The following MPP7 variants were observed in gnomAD, a reference collection of about 807,000 sequenced individuals.
MPP7 encodes MAGUK p55 scaffold protein 7, also known as MAGUK p55 subfamily member 7.
Under a neutral mutation model 76.5 loss-of-function variants are expected in MPP7, and 60 were observed. The observed-to-expected ratio is 0.78, with a 90% CI of 0.64 to 0.97. The LOEUF is 0.97. MPP7 is among the 50% of genes least tolerant of loss of function. The pLI is 0.00. For missense variants in MPP7, 641 were observed against 694.0 expected, an observed-to-expected ratio of 0.92 and a Z score of 0.86; for synonymous variants, 237 against 244.5, an observed-to-expected ratio of 0.97 and a Z score of 0.29.
intron 1 of MPP7, among the ~76,000 whole-genome samples, chr10:28,256,589 G>C (rs1385360150): frequency 6.6e-6 from 1 of 150,484 alleles, no homozygotes; most frequent in Non-Finnish European, 1.5e-5. Context: ...AAGTGGCACA[G>C]GGAGGAGGAT....
chr10:28,256,862 C>T (rs1839802946), intron 1 of MPP7, among the ~76,000 whole-genome samples: 1 of 152,108 alleles, frequency 6.6e-6, no homozygotes, highest in Admixed American at 6.6e-5. Context: ...CCTTAAGAAC[C>T]AAGACAAATA....
intron 1 of MPP7, among the ~76,000 whole-genome samples, chr10:28,247,722 A>G (rs544940447): frequency 6.6e-6 from 1 of 152,340 alleles, no homozygotes; most frequent in South Asian, 2.1e-4. Flanking sequence ...TCCTAATGTT[A>G]TATTGTAGAG....
intron 3 of MPP7, among the ~76,000 whole-genome samples, chr10:28,190,293 A>C (rs1181158867): frequency 6.6e-6 from 1 of 152,216 alleles, no homozygotes; most frequent in Non-Finnish European, 1.5e-5. Flanking sequence ...ATCTGTAAGG[A>C]TATAGTTGAA....
chr10:28,211,444 CATATATAT>C (rs59909463), intron 2 of MPP7, among the ~76,000 whole-genome samples: 23 of 149,770 alleles, frequency 1.5e-4, no homozygotes, highest in Admixed American at 8.0e-4. Flanking sequence ...TATTTTTTGC[CATATATAT>C]ATATATATAT....
chr10:28,321,800 G>A (rs1423686922), intron 2 of MPP7, among the ~76,000 whole-genome samples: 2 of 152,034 alleles, frequency 1.3e-5, no homozygotes, highest in Non-Finnish European at 2.9e-5. Flanking sequence ...TGGCCAGGCT[G>A]GTCTCGAACT....
intron 4 of MPP7, among the ~76,000 whole-genome samples, chr10:28,149,093 T>G (rs2133770238): frequency 6.6e-6 from 1 of 152,294 alleles, no homozygotes. Flanking sequence ...ACATATGTGT[T>G]TTTTCTAAAT....
intron 1 of MPP7, among the ~76,000 whole-genome samples, chr10:28,272,758 GA>G (rs1840365739): frequency 1.4e-4 from 21 of 152,066 alleles, no homozygotes; most frequent in Admixed American, 1.4e-3. Flanking sequence ...AACAGGAGGG[GA>G]AAAGTATATG....
intron 5 of MPP7, among the ~76,000 whole-genome samples, chr10:28,143,464 GGACA>G (rs71391011): frequency 0.15 from 22,314 of 151,968 alleles, 1,897 homozygotes; most frequent in East Asian, 0.36. Context: ...ATCTTATTAA[GGACA>G]GATATCATAA....
intron 2 of MPP7, among the ~76,000 whole-genome samples, chr10:28,206,845 G>A (rs966597240): frequency 5.3e-5 from 8 of 152,034 alleles, no homozygotes; most frequent in Non-Finnish European, 8.8e-5. Context: ...TATCTTTAAC[G>A]TTGGCAAATG....
At chr10:28,219,951 C>T (rs921816581) in intron 2 of MPP7, among the ~76,000 whole-genome samples, 2 of 152,110 alleles carry the variant, frequency 1.3e-5, no homozygotes, top group African/African-American at 2.4e-5. Flanking sequence ...CACTAAAATA[C>T]TAACACAACC....
At chr10:28,247,277 T>C (rs1839466992) in intron 1 of MPP7, among the ~76,000 whole-genome samples, 1 of 152,190 alleles carries the variant, frequency 6.6e-6, no homozygotes, top group Admixed American at 6.5e-5. Flanking sequence ...TCTAGTTTTG[T>C]CAGTTTCCTA....
chr10:28,119,450 C>A (rs1454141106), intron 11 of MPP7, among the ~76,000 whole-genome samples: 1 of 152,094 alleles, frequency 6.6e-6, no homozygotes, highest in African/African-American at 2.4e-5. Flanking sequence ...TTATTATTAA[C>A]AACCTCAACC....
intron 11 of MPP7, among the ~76,000 whole-genome samples, chr10:28,101,696 G>C (rs898655712): frequency 1.3e-5 from 2 of 152,062 alleles, no homozygotes; most frequent in Non-Finnish European, 2.9e-5. Flanking sequence ...GATGCTTTGT[G>C]AATTGATTAG....
At chr10:28,335,182 C>G (rs1834506124), upstream of MPP7, among the ~76,000 whole-genome samples, 1 of 152,216 alleles carries the variant, frequency 6.6e-6, no homozygotes, top group Non-Finnish European at 1.5e-5. Context: ...TGCTTTCTCC[C>G]AGAGGGAGTA....
intron 2 of MPP7, among the ~76,000 whole-genome samples, chr10:28,308,937 AC>A (rs1468547005): frequency 6.6e-6 from 1 of 152,032 alleles, no homozygotes; most frequent in East Asian, 1.9e-4. Context: ...AAATTGGAAA[AC>A]TCTAAAACTA....
intron 15 of MPP7, chr10:28,057,658 A>G (rs1333328708): frequency 3.3e-6 from 1 of 303,590 alleles, no homozygotes; most frequent in Non-Finnish European, 4.5e-6. Flanking sequence ...AGTTTCAGGT[A>G]TTTCTTCAGA....
intron 1 of MPP7, among the ~76,000 whole-genome samples, chr10:28,267,853 C>A (rs886184223): frequency 6.6e-6 from 1 of 151,684 alleles, no homozygotes; most frequent in Non-Finnish European, 1.5e-5. Context: ...CTGGGCAACA[C>A]GGTGAAACTC....
chr10:28,217,051 GA>G (rs972367025), intron 2 of MPP7, among the ~76,000 whole-genome samples: 1 of 151,484 alleles, frequency 6.6e-6, no homozygotes, highest in African/African-American at 2.4e-5. Flanking sequence ...AAGATATTCA[GA>G]AAAAAAATGT....
chr10:28,315,876 G>A (rs1276860839), intron 2 of MPP7, among the ~76,000 whole-genome samples: 1 of 152,100 alleles, frequency 6.6e-6, no homozygotes, highest in Non-Finnish European at 1.5e-5. Context: ...CAACAGTGAT[G>A]AGAAGTCATG....
Sources: allele counts gnomAD v4.1 joint callset (sites outside exome capture counted in the v4.1 genomes callset), GRCh38; gene constraint gnomAD v4.1.1; transcripts MANE v1.5; gene names NCBI Gene and HGNC (gene_info 2026-07-23, HGNC 2026-07-21).